Variants in ADGRG4 observed in about 807,000 individuals in gnomAD.
ADGRG4 encodes the protein G protein-coupled receptor 112.
A neutral mutation model predicts 126.2 loss-of-function variants in ADGRG4; 122 were observed. The observed-to-expected ratio is 0.97, with a 90% confidence interval of 0.83 to 1.12. ADGRG4 has a LOEUF of 1.12. ADGRG4 is among the 50% of genes most tolerant of loss of function. The probability of loss-of-function intolerance (pLI) is 0.00; values close to 1 mark genes in which losing one functional copy is unlikely to be tolerated. For synonymous variants in ADGRG4, 943 were observed against 838.7 expected, an observed-to-expected ratio of 1.12 and a Z score of -2.15; for missense variants, 2,481 against 2,251.8, an observed-to-expected ratio of 1.10 and a Z score of -2.06.
At chrX:136,342,341 C>A (rs1215601367) in intron 5 of ADGRG4, among the ~76,000 whole-genome samples, 2 of 112,005 alleles carry the variant, frequency 1.8e-5, no homozygotes, top group African/African-American at 6.5e-5. Context: ...CAAATAGATA[C>A]TAAACATCTA....
chrX:136,402,974 A>G (rs1190524710), intron 21 of ADGRG4, among the ~76,000 whole-genome samples: 2 of 112,249 alleles, frequency 1.8e-5, no homozygotes, highest in Non-Finnish European at 3.8e-5. Flanking sequence ...TCTTTTGCCA[A>G]GTTGATTTTC....
intron 13 of ADGRG4, among the ~76,000 whole-genome samples, chrX:136,364,411 CTCT>C (rs899522972): frequency 8.9e-6 from 1 of 111,752 alleles, no homozygotes; most frequent in Non-Finnish European, 1.9e-5. Context: ...TTGCTTTTTT[CTCT>C]TAACAATATA....
At position 136,405,922 on chromosome X, in the gene ADGRG4, C is replaced by T; in HGVS notation, c.8885C>T (p.Pro2962Leu). The T allele has an allele frequency of 8.7e-7, 1 of 1,146,749 alleles. No homozygotes were observed. 94.5% of individuals were successfully genotyped at this position (1,146,749 alleles called of 1,213,427 possible). A position where few individuals can be genotyped will look rare whatever the true frequency, so the allele number is the denominator to read the frequency against. ...GGGTTTGCATTTTTTGCTTGGGGAC[C>T]CATGAGGAACTTTTTCTTGTATTTG... ...TWGFAFFAWG[P>L]MRNFFLYLFA... The change falls in exon 23 of 26, where the codon CCC becomes CTC. Residue 2962 changes from proline (P) to leucine (L), a missense_variant. Coordinates refer to ENST00000394143, the MANE Select transcript of ADGRG4 (RefSeq NM_153834.4).
At chrX:136,336,540 C>T (rs528211540) in intron 5 of ADGRG4, among the ~76,000 whole-genome samples, 35 of 111,623 alleles carry the variant, frequency 3.1e-4, no homozygotes, top group African/African-American at 1.1e-3. Flanking sequence ...GATATGTATG[C>T]ATTTAGGATC....
At chrX:136,361,620 A>G in intron 12 of ADGRG4, 33 bp downstream of exon 12, 2 of 1,060,590 alleles carry the variant, frequency 1.9e-6, no homozygotes, top group Non-Finnish European at 2.5e-6. Flanking sequence ...TTGCTGATTC[A>G]GATATACAAA....
intron 4 of ADGRG4, among the ~76,000 whole-genome samples, chrX:136,310,350 G>T (rs2074760812): frequency 9.0e-6 from 1 of 110,675 alleles, no homozygotes; most frequent in African/African-American, 3.3e-5. Context: ...TGATAGATGT[G>T]CAGGTCCTCA....
At chrX:136,398,824 C>T (rs749077418) in intron 20 of ADGRG4, among the ~76,000 whole-genome samples, 1 of 111,712 alleles carries the variant, frequency 9.0e-6, no homozygotes, top group Non-Finnish European at 1.9e-5. Context: ...AAGATATGTA[C>T]AATAATATTT....
intron 21 of ADGRG4, among the ~76,000 whole-genome samples, chrX:136,401,367 G>C (rs1256708228): frequency 9.0e-6 from 1 of 111,386 alleles, no homozygotes; most frequent in Admixed American, 9.5e-5. Context: ...CTTCATCCTG[G>C]CTTTCCTTCT....
chrX:136,324,457 G>A (rs967534517), intron 5 of ADGRG4, among the ~76,000 whole-genome samples: 2 of 110,804 alleles, frequency 1.8e-5, no homozygotes, highest in African/African-American at 6.6e-5. Flanking sequence ...GCCAAGGCTA[G>A]AGTGAAGTGG....
intron 5 of ADGRG4, among the ~76,000 whole-genome samples, chrX:136,326,672 A>G (rs2074875322): frequency 1.8e-5 from 2 of 111,314 alleles, no homozygotes; most frequent in South Asian, 7.6e-4. Flanking sequence ...GTAAAATACC[A>G]TAGAATTTCA....
At position 136,405,919 on chromosome X, in the gene ADGRG4, G is replaced by A. The variant is rs1234045804; in HGVS notation, c.8882G>A (p.Gly2961Glu). 1.0e-5 allele frequency: 12 copies of A among 1,149,833 alleles called. No homozygotes were observed. The highest frequency in any genetic ancestry group is 1.4e-5 in the Non-Finnish European group (12 of 863,459). 94.8% of individuals were successfully genotyped at this position (1,149,833 alleles called of 1,213,427 possible). The change falls in exon 23 of 26, where the codon GGA becomes GAA. Residue 2961 changes from glycine to glutamate, a missense_variant. Gly to Glu is a moderately conservative substitution (Grantham distance 98, BLOSUM62 -2). Transcript: ENST00000394143. Reference sequence around the variant, plus strand: ...TGGGGGTTTGCATTTTTTGCTTGGGGACCCATGAGGAACTTTTTCTTGTAT... The same window carrying A: ...TGGGGGTTTGCATTTTTTGCTTGGGAACCCATGAGGAACTTTTTCTTGTAT... The part of the protein sequence containing the change: ...LTWGFAFFAW[G>E]PMRNFFLYLF...
intron 25 of ADGRG4, among the ~76,000 whole-genome samples, chrX:136,415,991 C>T (rs1269744647): frequency 8.9e-6 from 1 of 112,065 alleles, no homozygotes; most frequent in Non-Finnish European, 1.9e-5. Flanking sequence ...TTCCATTGTA[C>T]TAGTGACAGC....
rs779030605 is a variant in ADGRG4 at position 136,344,875 on chromosome X, C to G, written c.1169C>G (p.Ala390Gly). ...AATTCAGTTGTATCTACAACTTCAG[C>G]AATTAAATCTCAGTCGGCTGTTACG... is the stretch of plus-strand genomic sequence containing the variant. ...TKNSVVSTTS[A>G]IKSQSAVTKT... The change falls in exon 6 of 26, where the codon GCA becomes GGA. Residue 390 changes from alanine to glycine, a missense_variant. Physicochemically the swap from Ala to Gly is moderately conservative, Grantham distance 60. Transcript: ENST00000394143. The G allele has an allele frequency of 8.3e-7, 1 of 1,210,112 alleles. No homozygotes were observed. Among genetic ancestry groups the G allele is most frequent in the Non-Finnish European group, 1.1e-6 (1 of 893,878 alleles).
chrX:136,334,080 CTTTCTTTCTTTCTTTCTTTCTT>C, intron 5 of ADGRG4, among the ~76,000 whole-genome samples: 1 of 7,814 alleles, frequency 1.3e-4, no homozygotes, highest in African/African-American at 1.3e-3. Context: ...CTCTCTCTTT[CTTTCTTTCTTTCTTTCTTTCTT>C]TCTTTCTTTC....
intron 16 of ADGRG4, among the ~76,000 whole-genome samples, chrX:136,391,070 AGAGTCCTAGTG>A (rs2148492232): frequency 9.0e-6 from 1 of 111,301 alleles, no homozygotes; most frequent in East Asian, 2.8e-4. Flanking sequence ...GGAAGTAAGT[AGAGTCCTAGTG>A]GAGCCCCAGG....
In ADGRG4 at chrX:136,347,890, A is replaced by G; in HGVS notation, c.4184A>G (p.Glu1395Gly). The change falls in exon 6 of 26, where the codon GAA (glutamate) becomes GGA (glycine). Residue 1395 changes from glutamate to glycine, a missense_variant. By Grantham distance (98) the Glu-to-Gly change is moderately conservative. Transcript: ENST00000394143. ...ALPAYTPRTV[E>G]MIVNSTYVTH... is the part of the protein sequence containing the mutation. ...CCAGCATATACTCCCAGGACTGTGG[A>G]AATGATAGTAAACTCCACCTATGTG... 8.3e-7 allele frequency: 1 copy of G among 1,210,579 alleles called. No individual in the cohort carries two copies. Among genetic ancestry groups the G allele is most frequent in the Non-Finnish European group, 1.1e-6 (1 of 894,358 alleles).
intron 23 of ADGRG4, among the ~76,000 whole-genome samples, chrX:136,407,247 A>G (rs2075418541): frequency 9.1e-6 from 1 of 110,228 alleles, no homozygotes; most frequent in African/African-American, 3.3e-5. Context: ...AAAAAGTTCT[A>G]TGGTCAAATA....
At chrX:136,383,339 A>G (rs533881683) in intron 15 of ADGRG4, among the ~76,000 whole-genome samples, 1 of 111,558 alleles carries the variant, frequency 9.0e-6, no homozygotes, top group Middle Eastern at 4.7e-3. Flanking sequence ...GCACATATAC[A>G]TTTGTGTTGG....
intron 13 of ADGRG4, among the ~76,000 whole-genome samples, chrX:136,370,609 AATG>A (rs1306458514): frequency 2.7e-5 from 3 of 112,148 alleles, no homozygotes; most frequent in African/African-American, 9.7e-5. Flanking sequence ...TTATGGATAA[AATG>A]ATATCATATT....
Sources: gnomAD v4.1 joint callset for allele counts (sites outside exome capture counted in the v4.1 genomes callset) on GRCh38, gnomAD v4.1.1 for gene constraint, MANE v1.5 for transcripts, NCBI Gene and HGNC (gene_info 2026-07-23, HGNC 2026-07-21) for gene names.